Variants in AGBL1 observed in about 807,000 individuals in gnomAD.
AGBL1 encodes AGBL carboxypeptidase 1, also known as cytosolic carboxypeptidase 4.
AGBL1 carries 130 observed loss-of-function variants against 118.9 expected under a neutral mutation model. The observed-to-expected ratio is 1.09, with a 90% CI of 0.95 to 1.26. The LOEUF (loss-of-function observed/expected upper bound fraction) is 1.26, where lower values mean the gene tolerates loss of function less well. Among genes scored for constraint, AGBL1 ranks in the 50% most tolerant of loss-of-function variants. The probability of loss-of-function intolerance (pLI) is 0.00; values close to 1 mark genes in which losing one functional copy is unlikely to be tolerated. For missense variants in AGBL1, 1,584 were observed against 1,298.1 expected, an observed-to-expected ratio of 1.22 and a Z score of -3.38; for synonymous variants, 555 against 478.9, an observed-to-expected ratio of 1.16 and a Z score of -2.08.
intron 23 of AGBL1, among the ~76,000 whole-genome samples, chr15:86,923,832 TA>T (rs1014346267): frequency 3.7e-4 from 56 of 152,294 alleles, no homozygotes; most frequent in African/African-American, 1.3e-3. Context: ...TAACAAAGTT[TA>T]AAAACCCACC....
chr15:86,334,515 C>G (rs1322905454), intron 17 of AGBL1, among the ~76,000 whole-genome samples: 2 of 152,132 alleles, frequency 1.3e-5, no homozygotes, highest in African/African-American at 4.8e-5. Flanking sequence ...ACATAGATGA[C>G]AGAAACAAAT....
At chr15:86,711,101 T>C (rs1359556890) in intron 22 of AGBL1, among the ~76,000 whole-genome samples, 4 of 152,138 alleles carry the variant, frequency 2.6e-5, no homozygotes, top group African/African-American at 9.7e-5. Context: ...AATACTTCAA[T>C]ATGCTGTCAA....
Position 86,367,477 on chromosome 15 carries a change from G to T in AGBL1, c.2375-29889G>T, listed in dbSNP as rs546318425. ...TACCAGTCAGTCTGCTGGGGGCAGG[G>T]TGGTGGTGGTGGTGGGAGGAATGAT... is the stretch of plus-strand genomic sequence containing the variant. On this transcript the variant is annotated intron_variant, in intron 17 of 22. Transcript: ENST00000614907. 3.3e-5 allele frequency among the ~76,000 whole-genome samples: 5 copies of T among 152,206 alleles called. No individual in the cohort carries two copies. The East Asian group carries it at 9.6e-4, about 29-fold the overall frequency.
chr15:86,937,573 C>G (rs371380331), intron 23 of AGBL1, among the ~76,000 whole-genome samples: 134 of 152,246 alleles, frequency 8.8e-4, no homozygotes, highest in Middle Eastern at 3.4e-3. Context: ...CACATGTTCT[C>G]ACTTATAAGT....
At chr15:86,831,751 C>A (rs2079107285) in intron 22 of AGBL1, among the ~76,000 whole-genome samples, 1 of 152,160 alleles carries the variant, frequency 6.6e-6, no homozygotes, top group Non-Finnish European at 1.5e-5. Flanking sequence ...AATGGATCTA[C>A]CTTTCTGGGG....
chr15:86,591,734 G>C (rs1031590507), intron 21 of AGBL1, among the ~76,000 whole-genome samples: 4 of 152,064 alleles, frequency 2.6e-5, no homozygotes, highest in Non-Finnish European at 5.9e-5. Context: ...GGTTTTTATG[G>C]AGGCTTCATT....
rs535525596 is a variant in AGBL1 at position 86,860,101 on chromosome 15, C to T, written c.3159-46986C>T. Among the ~76,000 whole-genome samples, 5 of 152,220 alleles carry T rather than the reference C, an allele frequency of 3.3e-5. No individual in the cohort carries two copies. The East Asian group carries it at 5.8e-4, about 18-fold the overall frequency. On this transcript the variant is annotated intron_variant, in intron 22 of 22. Coordinates refer to ENST00000614907, the MANE Select transcript of AGBL1 (RefSeq NM_001386094.1). The stretch of plus-strand genomic sequence containing the variant: ...TGGGGCGGAATATCTCAAAGCCCTA[C>T]GAACCTAACTTAGTCATTCACCGAC...
At chr15:86,644,656 A>G (rs961158128) in intron 21 of AGBL1, among the ~76,000 whole-genome samples, 3 of 150,902 alleles carry the variant, frequency 2.0e-5, no homozygotes, top group African/African-American at 7.4e-5. Context: ...AAAAAAATCA[A>G]TATCATGAAA....
intron 19 of AGBL1, among the ~76,000 whole-genome samples, chr15:86,539,636 C>T (rs717553): frequency 0.015 from 2,340 of 152,334 alleles, 69 homozygotes; most frequent in African/African-American, 0.052. Flanking sequence ...TCACTCTACC[C>T]TCTTATTCCA....
chr15:86,794,702 A>T (rs918675445), intron 22 of AGBL1, among the ~76,000 whole-genome samples: 6 of 152,044 alleles, frequency 3.9e-5, no homozygotes, highest in Admixed American at 6.5e-5. Context: ...TCCCCAATCC[A>T]TGTTCAGTGA....
chr15:86,203,750 AGTT>A (rs2077945285), intron 5 of AGBL1, among the ~76,000 whole-genome samples: 7 of 152,200 alleles, frequency 4.6e-5, no homozygotes, highest in Admixed American at 4.6e-4. Flanking sequence ...ATTGTTACGG[AGTT>A]ACTCATCTTC....
intron 17 of AGBL1, among the ~76,000 whole-genome samples, chr15:86,333,011 T>C (rs1725155234): frequency 1.3e-5 from 2 of 152,126 alleles, no homozygotes; most frequent in South Asian, 4.1e-4. Context: ...CGATACCACA[T>C]ACCAAAATCT....
At chr15:86,309,390 C>T (rs1278390053) in intron 17 of AGBL1, among the ~76,000 whole-genome samples, 1 of 152,062 alleles carries the variant, frequency 6.6e-6, no homozygotes, top group Non-Finnish European at 1.5e-5. Flanking sequence ...ATTAGGATGC[C>T]TTTTATTTCT....
At chr15:86,645,765 G>A (rs2085267810) in intron 21 of AGBL1, among the ~76,000 whole-genome samples, 1 of 152,176 alleles carries the variant, frequency 6.6e-6, no homozygotes, top group South Asian at 2.1e-4. Context: ...AGTTAGAAAT[G>A]TCAGAGCCTG....
At chr15:86,123,700 A>G (rs1360767464) in intron 1 of AGBL1, among the ~76,000 whole-genome samples, 2 of 152,208 alleles carry the variant, frequency 1.3e-5, no homozygotes, top group African/African-American at 4.8e-5. Flanking sequence ...AAACCAATGT[A>G]TATCTTACAT....
chr15:87,021,001 T>A (rs766577036), intron 24 of AGBL1, among the ~76,000 whole-genome samples: 21 of 151,956 alleles, frequency 1.4e-4, no homozygotes, highest in Non-Finnish European at 2.4e-4. Flanking sequence ...AAAAAAAATT[T>A]AAAAATTCAT....
intron 22 of AGBL1, among the ~76,000 whole-genome samples, chr15:86,858,253 C>G (rs2079511797): frequency 6.6e-6 from 1 of 152,108 alleles, no homozygotes; most frequent in Non-Finnish European, 1.5e-5. Flanking sequence ...GAAGAAGAAG[C>G]TAGAGTGAAG....
intron 18 of AGBL1, among the ~76,000 whole-genome samples, chr15:86,418,219 A>G (rs1474133231): frequency 1.3e-5 from 2 of 152,240 alleles, no homozygotes; most frequent in Non-Finnish European, 2.9e-5. Context: ...AGGACAGTGT[A>G]CTAGAAGACA....
chr15:86,205,965 C>T (rs1366584870), intron 5 of AGBL1, among the ~76,000 whole-genome samples: 1 of 152,156 alleles, frequency 6.6e-6, no homozygotes, highest in Admixed American at 6.5e-5. Context: ...TCTCCTAATG[C>T]TATCCCTCCC....
Sources: gnomAD v4.1 joint callset for allele counts (sites outside exome capture counted in the v4.1 genomes callset) on GRCh38, gnomAD v4.1.1 for gene constraint, MANE v1.5 for transcripts, NCBI Gene and HGNC (gene_info 2026-07-23, HGNC 2026-07-21) for gene names.